Variants in NCOA2 observed in about 807,000 individuals in gnomAD.
NCOA2 encodes the protein class E basic helix-loop-helix protein 75.
Under a neutral mutation model 145.1 loss-of-function variants are expected in NCOA2, and 21 were observed. The ratio of observed to expected loss-of-function variants is 0.14; its 90% CI spans 0.10 to 0.21. The LOEUF (loss-of-function observed/expected upper bound fraction) is 0.21, where lower values mean the gene tolerates loss of function less well. NCOA2 is among the 10% of genes least tolerant of loss of function. The pLI, the probability that NCOA2 is intolerant of heterozygous loss-of-function variation, is 1.00. For synonymous variants in NCOA2, 619 were observed against 637.5 expected (o/e 0.97, Z 0.44); for missense variants, 1,472 against 1,837.6 (o/e 0.80, Z 3.64).
intron 16 of NCOA2, among the ~76,000 whole-genome samples, chr8:70,130,152 G>A (rs1416596432): frequency 6.6e-6 from 1 of 152,202 alleles, no homozygotes; most frequent in Non-Finnish European, 1.5e-5. Flanking sequence ...CTAAGCAGAG[G>A]AAACCACTCA....
intron 2 of NCOA2, among the ~76,000 whole-genome samples, chr8:70,276,940 G>C (rs577820170): frequency 6.6e-6 from 1 of 152,218 alleles, no homozygotes; most frequent in South Asian, 2.1e-4. Flanking sequence ...CATTGTCTAA[G>C]TAAAATAATT....
intron 2 of NCOA2, among the ~76,000 whole-genome samples, chr8:70,257,607 A>C (rs1823738126): frequency 6.6e-6 from 1 of 152,196 alleles, no homozygotes; most frequent in Admixed American, 6.5e-5. Context: ...GCTTTGCTAA[A>C]CTAAGGCAGC....
intron 10 of NCOA2, among the ~76,000 whole-genome samples, chr8:70,159,222 T>TTTTATATATATATATATA (rs1554578437): frequency 4.5e-5 from 2 of 44,490 alleles, no homozygotes; most frequent in African/African-American, 1.3e-4. Flanking sequence ...CAGTATAACA[T>TTTTATATATATATATATA]TATATATATA....
intron 1 of NCOA2, among the ~76,000 whole-genome samples, chr8:70,300,902 A>G (rs888683635): frequency 2.0e-5 from 3 of 152,176 alleles, no homozygotes; most frequent in African/African-American, 7.2e-5. Flanking sequence ...TTTAACCTTC[A>G]TAACAATCCT....
chr8:70,282,811 G>A (rs542128141), intron 2 of NCOA2, among the ~76,000 whole-genome samples: 40 of 152,154 alleles, frequency 2.6e-4, no homozygotes, highest in African/African-American at 9.4e-4. Flanking sequence ...GATACTACTA[G>A]GGTTGGTGTA....
At position 70,162,705 on chromosome 8, in the gene NCOA2, G is replaced by A; in HGVS notation, c.976+6C>T. 1 of 1,603,218 alleles carries A rather than the reference G, an allele frequency of 6.2e-7. No homozygotes were observed. Among genetic ancestry groups the A allele is most frequent in the South Asian group, 1.1e-5 (1 of 89,756 alleles). ...AATTTAAGAAAAATCATTTAGAGAT[G>A]CTTACCTTCATGATGATGCCTCTTA... On this transcript the variant is annotated splice_donor_region_variant and intron_variant, in intron 9 of 22. Transcript: ENST00000452400.
intron 2 of NCOA2, among the ~76,000 whole-genome samples, chr8:70,258,612 C>T (rs1823859863): frequency 6.6e-6 from 1 of 152,126 alleles, no homozygotes. Context: ...TGCAGTTTCT[C>T]TTCATCACAT....
At chr8:70,297,483 G>C (rs1249786133) in intron 1 of NCOA2, among the ~76,000 whole-genome samples, 1 of 152,034 alleles carries the variant, frequency 6.6e-6, no homozygotes, top group Admixed American at 6.6e-5. Context: ...ACAGGCATGC[G>C]CCACCACACC....
intron 2 of NCOA2, among the ~76,000 whole-genome samples, chr8:70,260,255 G>A (rs34833197): frequency 4.6e-5 from 7 of 152,012 alleles, no homozygotes; most frequent in South Asian, 4.2e-4. Context: ...ACAGCTCACC[G>A]CAGCCTCGAC....
chr8:70,449,325 G>A, the NCOA2 span, among the ~76,000 whole-genome samples: 7 of 152,100 alleles, frequency 4.6e-5, no homozygotes, highest in African/African-American at 1.7e-4. Context: ...AAAGTTTTGG[G>A]CACTATGAGC....
chr8:70,236,282 T>G (rs190800932), intron 2 of NCOA2, among the ~76,000 whole-genome samples: 5 of 152,308 alleles, frequency 3.3e-5, no homozygotes, highest in African/African-American at 1.2e-4. Flanking sequence ...CTTCCTTGAT[T>G]AAAATCCTTC....
At chr8:70,203,261 C>CAAAAAAAAAAAAA (rs34990647) in intron 4 of NCOA2, among the ~76,000 whole-genome samples, 1 of 121,960 alleles carries the variant, frequency 8.2e-6, no homozygotes, top group Non-Finnish European at 1.6e-5. Context: ...GACTCTGTCT[C>CAAAAAAAAAAAAA]AAAAAAAAAA....
At chr8:70,363,091 A>AAAAAAC in intron 1 of NCOA2, among the ~76,000 whole-genome samples, 1 of 147,986 alleles carries the variant, frequency 6.8e-6, no homozygotes, top group Non-Finnish European at 1.5e-5. Context: ...AAAAAAAAAA[A>AAAAAAC]AAAAAAAAAA....
At position 70,139,644 on chromosome 8, in the gene NCOA2, C is replaced by CTTT. The variant is rs911504754; in HGVS notation, c.3029-1315_3029-1313dup. 2.7e-3 allele frequency among the ~76,000 whole-genome samples: 250 copies of CTTT among 91,850 alleles called. 12 individuals carry two copies. Among genetic ancestry groups the CTTT allele is most frequent in the African/African-American group, 4.3e-3 (84 of 19,608 alleles). The allele number at this position is 91,850 out of a possible 152,430, so 60.3% of individuals were successfully genotyped here. A position where few individuals can be genotyped will look rare whatever the true frequency, so the allele number is the denominator to read the frequency against. On this transcript the variant is annotated intron_variant, in intron 14 of 22. Transcript: ENST00000452400. ...GTCTTGTCAAAACAACGCTGGCCAT[C>CTTT]TTTTTTTTTTTTTTTTTTTTTTTTT...
intron 5 of NCOA2, among the ~76,000 whole-genome samples, chr8:70,174,301 T>G (rs2132737445): frequency 6.6e-6 from 1 of 152,344 alleles, no homozygotes; most frequent in African/African-American, 2.4e-5. Context: ...TCAGTTTTCT[T>G]CCTTATGAGA....
chr8:70,334,144 G>A (rs78027419), intron 1 of NCOA2, among the ~76,000 whole-genome samples: 1,528 of 152,200 alleles, frequency 0.01, 23 homozygotes, highest in African/African-American at 0.035. Flanking sequence ...TAACCCCTAT[G>A]CCTAACTTTT....
intron 2 of NCOA2, among the ~76,000 whole-genome samples, chr8:70,288,036 T>C (rs1826369799): frequency 6.6e-6 from 1 of 152,130 alleles, no homozygotes; most frequent in South Asian, 2.1e-4. Context: ...GCTAATTAGG[T>C]GCAAATCACT....
chr8:70,338,740 G>A (rs1024833644), intron 1 of NCOA2, among the ~76,000 whole-genome samples: 5 of 151,998 alleles, frequency 3.3e-5, no homozygotes, highest in Non-Finnish European at 7.4e-5. Flanking sequence ...TTATCCACCA[G>A]GATCAAGGTG....
At chr8:70,225,300 C>T (rs1273014438) in intron 2 of NCOA2, among the ~76,000 whole-genome samples, 2 of 152,080 alleles carry the variant, frequency 1.3e-5, no homozygotes, top group Non-Finnish European at 2.9e-5. Flanking sequence ...CCTGTAATCC[C>T]AGCATTTTGG....
Sources: allele counts gnomAD v4.1 joint callset (sites outside exome capture counted in the v4.1 genomes callset), GRCh38; gene constraint gnomAD v4.1.1; transcripts MANE v1.5; gene names NCBI Gene and HGNC (gene_info 2026-07-23, HGNC 2026-07-21).